The following EPB41L3 variants were observed in gnomAD, a reference collection of about 807,000 sequenced individuals.
The protein encoded by EPB41L3 is erythrocyte membrane protein band 4.1 like 3, also known as band 4.1-like protein 3.
EPB41L3 carries 57 observed loss-of-function variants against 127.1 expected under a neutral mutation model. The observed-to-expected ratio is 0.45, with a 90% CI of 0.36 to 0.56. EPB41L3 has a LOEUF of 0.56. Among genes scored for constraint, EPB41L3 ranks in the 20% least tolerant of loss-of-function variants. The pLI, the probability that EPB41L3 is intolerant of heterozygous loss-of-function variation, is 0.00. For synonymous variants in EPB41L3, 572 were observed against 549.5 expected (o/e 1.04, Z -0.57); for missense variants, 1,273 against 1,372.2 (o/e 0.93, Z 1.14).
intron 1 of EPB41L3, among the ~76,000 whole-genome samples, chr18:5,533,102 A>G (rs997260773): frequency 2.6e-5 from 4 of 152,182 alleles, no homozygotes; most frequent in African/African-American, 9.7e-5. Context: ...TCTCAGAGGT[A>G]ACTCCAAAAT....
At chr18:5,404,625 A>AG (rs2075057353) in intron 16 of EPB41L3, among the ~76,000 whole-genome samples, 1 of 152,200 alleles carries the variant, frequency 6.6e-6, no homozygotes, top group Non-Finnish European at 1.5e-5. Flanking sequence ...AAATGTAAAA[A>AG]AAACATATCT....
chr18:5,480,527 ACCC>A (rs2088238863), intron 2 of EPB41L3, among the ~76,000 whole-genome samples: 1 of 152,130 alleles, frequency 6.6e-6, no homozygotes, highest in Non-Finnish European at 1.5e-5. Context: ...ATCTAGCCAA[ACCC>A]ATGTTCTAAT....
chr18:5,467,839 A>T (rs1312031933), intron 3 of EPB41L3, among the ~76,000 whole-genome samples: 1 of 152,068 alleles, frequency 6.6e-6, no homozygotes, highest in Non-Finnish European at 1.5e-5. Flanking sequence ...GTAGCAGGGG[A>T]GGCGCGGCCA....
chr18:5,541,766 G>C (rs1213486422), intron 1 of EPB41L3, among the ~76,000 whole-genome samples: 1 of 152,112 alleles, frequency 6.6e-6, no homozygotes, highest in Non-Finnish European at 1.5e-5. Flanking sequence ...AAAATTAAAC[G>C]CAAATATTTC....
chr18:5,561,671 G>T (rs1297830593), intron 3 of EPB41L3, among the ~76,000 whole-genome samples: 1 of 152,184 alleles, frequency 6.6e-6, no homozygotes, highest in Admixed American at 6.5e-5. Context: ...GAATGCTAAC[G>T]TTAGTGGTTG....
At chr18:5,630,583 G>T (rs2094983029), upstream of EPB41L3, 1 of 505,864 alleles carries the variant, frequency 2.0e-6, no homozygotes, top group African/African-American at 2.0e-5. Flanking sequence ...GGCTGGAAGG[G>T]GCCGCCAGAC....
At chr18:5,481,473 GA>G (rs1202742820) in intron 2 of EPB41L3, among the ~76,000 whole-genome samples, 1 of 152,176 alleles carries the variant, frequency 6.6e-6, no homozygotes, top group Non-Finnish European at 1.5e-5. Context: ...AATGATACTG[GA>G]AAAGTGAGAC....
At chr18:5,565,464 T>C (rs2094186063) in intron 3 of EPB41L3, among the ~76,000 whole-genome samples, 1 of 151,856 alleles carries the variant, frequency 6.6e-6, no homozygotes, top group Non-Finnish European at 1.5e-5. Flanking sequence ...TTTTTTTTTT[T>C]TTAATTATAC....
At chr18:5,395,787 T>G in intron 19 of EPB41L3, 80 bp from the exon 20 acceptor site, 1 of 1,066,030 alleles carries the variant, frequency 9.4e-7, no homozygotes, top group South Asian at 1.3e-5. Context: ...TTTAAGGCAT[T>G]ACGACAATTT....
chr18:5,409,032 G>A (rs913681279), intron 14 of EPB41L3, among the ~76,000 whole-genome samples: 2 of 152,128 alleles, frequency 1.3e-5, no homozygotes, highest in African/African-American at 4.8e-5. Context: ...CTTCTTATTT[G>A]CCAATGGGAC....
At position 5,397,275 on chromosome 18, in the gene EPB41L3, C is replaced by T; in HGVS notation, c.2624G>A (p.Gly875Glu). 1 of 1,614,180 alleles carries T rather than the reference C, an allele frequency of 6.2e-7. No individual in the cohort carries two copies. Among genetic ancestry groups the T allele is most frequent in the Non-Finnish European group, 8.5e-7 (1 of 1,180,052 alleles). ...CTGTGCTGCAGCATCCCCGCTGTCT[C>T]CCGCCGAGTAAGAAGCATCCCCACT... is the stretch of plus-strand genomic sequence containing the variant. Reference protein sequence around the residue: ...HASGDASYSAGDSGDAAAQPA... With the variant: ...HASGDASYSAEDSGDAAAQPA... The change falls in exon 18 of 23, where the codon GGA becomes GAA. Residue 875 changes from glycine (G) to glutamate (E), a missense_variant. Gly to Glu is a moderately conservative substitution (Grantham distance 98). Coordinates refer to ENST00000341928, the MANE Select transcript of EPB41L3 (RefSeq NM_012307.5). The surrounding 1 kb of genome is among the most constrained non-coding windows in gnomAD (Gnocchi z 4.1).
intron 1 of EPB41L3, among the ~76,000 whole-genome samples, chr18:5,538,228 A>T (rs2093626311): frequency 6.6e-6 from 1 of 152,232 alleles, no homozygotes; most frequent in African/African-American, 2.4e-5. Context: ...TTGCACGTCA[A>T]CTAAGAGTTA....
intron 16 of EPB41L3, among the ~76,000 whole-genome samples, chr18:5,404,889 A>G (rs1034090971): frequency 1.3e-5 from 2 of 152,240 alleles, no homozygotes; most frequent in Non-Finnish European, 2.9e-5. Flanking sequence ...TTAACCAATT[A>G]CAATAAAATT....
chr18:5,559,548 A>C (rs1401686411), intron 3 of EPB41L3, among the ~76,000 whole-genome samples: 1 of 152,254 alleles, frequency 6.6e-6, no homozygotes, highest in Non-Finnish European at 1.5e-5. Context: ...TGGATTAATT[A>C]GGCTCTTATC....
At chr18:5,524,568 C>T (rs1257253947) in intron 1 of EPB41L3, among the ~76,000 whole-genome samples, 1 of 152,120 alleles carries the variant, frequency 6.6e-6, no homozygotes, top group African/African-American at 2.4e-5. Context: ...ATCCTTTTGG[C>T]CATTTCCATT....
intron 3 of EPB41L3, among the ~76,000 whole-genome samples, chr18:5,571,694 T>C (rs186648973): frequency 4.3e-4 from 65 of 152,364 alleles, no homozygotes; most frequent in African/African-American, 1.5e-3. Flanking sequence ...TGATCCTCCT[T>C]CATTTCATCT....
chr18:5,416,780 C>T (rs2076880246), intron 12 of EPB41L3, among the ~76,000 whole-genome samples: 1 of 152,030 alleles, frequency 6.6e-6, no homozygotes, highest in Admixed American at 6.6e-5. Context: ...CTCCTGATTT[C>T]CAGGTAGCAG....
chr18:5,393,416 C>G lies in EPB41L3; in HGVS notation c.*69G>C. 1.4e-6 allele frequency: 1 copy of G among 696,660 alleles called. No individual in the cohort carries two copies. The highest frequency in any genetic ancestry group is 1.5e-5 in the South Asian group (1 of 66,284). The allele number at this position is 696,660 out of a possible 1,614,324, so 43.2% of individuals were successfully genotyped here. A position where few individuals can be genotyped will look rare whatever the true frequency, so the allele number is the denominator to read the frequency against. ...TCAGTTGGGTTAGAAGAGGGAACTCCATATAGGCTCTGGTTTTCCTAACGG... is the reference window on the plus strand; with the variant it reads ...TCAGTTGGGTTAGAAGAGGGAACTCGATATAGGCTCTGGTTTTCCTAACGG... On this transcript the variant is annotated 3_prime_UTR_variant, in exon 23 of 23. Transcript: ENST00000341928.
intron 9 of EPB41L3, among the ~76,000 whole-genome samples, chr18:5,427,873 G>A (rs1196305087): frequency 2.6e-5 from 4 of 151,962 alleles, no homozygotes; most frequent in African/African-American, 9.7e-5. Context: ...AGCCTCCCGA[G>A]TAGCTGGGAA....
Sources: gnomAD v4.1 joint callset for allele counts (sites outside exome capture counted in the v4.1 genomes callset) on GRCh38, gnomAD v4.1.1 for gene constraint, Gnocchi (gnomAD v3.1) non-coding constraint, MANE v1.5 for transcripts, NCBI Gene and HGNC (gene_info 2026-07-23, HGNC 2026-07-21) for gene names.